Variants in ARHGAP39 observed in about 807,000 individuals in gnomAD.
ARHGAP39 encodes the protein Rho GTPase activating protein 39.
In ARHGAP39, 44 loss-of-function variants were observed where a neutral mutation model predicts 106.9. The ratio of observed to expected loss-of-function variants is 0.41; its 90% confidence interval spans 0.32 to 0.53. ARHGAP39 has a LOEUF of 0.53. Ranked by LOEUF, ARHGAP39 falls within the 20% of genes least tolerant of loss-of-function variation. ARHGAP39 has a pLI of 0.21. For synonymous variants in ARHGAP39, 768 were observed against 693.2 expected, an observed-to-expected ratio of 1.11 and a Z score of -1.69; for missense variants, 1,496 against 1,577.3, an observed-to-expected ratio of 0.95 and a Z score of 0.87.
intron 2 of ARHGAP39, among the ~76,000 whole-genome samples, chr8:144,584,527 C>T (rs974638777): frequency 6.6e-6 from 1 of 152,122 alleles, no homozygotes; most frequent in African/African-American, 2.4e-5. Flanking sequence ...CTTTGGGAGT[C>T]CCAGGCAGGT....
At chr8:144,567,410 C>T (rs969076565) in intron 3 of ARHGAP39, among the ~76,000 whole-genome samples, 2 of 152,262 alleles carry the variant, frequency 1.3e-5, no homozygotes, top group Admixed American at 1.3e-4. Context: ...GGAAGACACC[C>T]GTTGCCAAGC....
At chr8:144,563,009 TA>T (rs2130872186) in intron 3 of ARHGAP39, among the ~76,000 whole-genome samples, 1 of 152,380 alleles carries the variant, frequency 6.6e-6, no homozygotes, top group African/African-American at 2.4e-5. Context: ...TCACTTGCTC[TA>T]TGTGGAACAA....
intron 1 of ARHGAP39, among the ~76,000 whole-genome samples, chr8:144,636,501 G>A (rs115555212): frequency 0.011 from 1,643 of 152,340 alleles, 30 homozygotes; most frequent in African/African-American, 0.038. Context: ...GCTCCCGACA[G>A]CCCCAATCCT....
At chr8:144,608,281 A>G (rs2130950756) in intron 1 of ARHGAP39, among the ~76,000 whole-genome samples, 1 of 152,264 alleles carries the variant, frequency 6.6e-6, no homozygotes, top group Admixed American at 6.5e-5. Context: ...GAAAAGTAAA[A>G]CAGCAGTATC....
Position 144,646,509 on chromosome 8 carries a change from A to C in ARHGAP39, c.-82+39177T>G, listed in dbSNP as rs1821448178. On this transcript the variant is annotated intron_variant, in intron 1 of 11. Transcript: ENST00000377307. The surrounding 1 kb of genome is among the most constrained non-coding windows in gnomAD (Gnocchi z 5.7). The stretch of plus-strand genomic sequence containing the variant: ...GAAAGAAATGAGGAATAGCAGGGAC[A>C]CCAAAAGACAGGAGGCGAATCGGCT... Among the ~76,000 whole-genome samples the C allele has an allele frequency of 6.6e-6, 1 of 152,154 alleles. No homozygotes were observed. Among genetic ancestry groups the C allele is most frequent in the Non-Finnish European group, 1.5e-5 (1 of 68,014 alleles).
intron 1 of ARHGAP39, among the ~76,000 whole-genome samples, chr8:144,613,690 G>T (rs999947471): frequency 2.6e-4 from 40 of 151,694 alleles, no homozygotes; most frequent in African/African-American, 9.5e-4. Context: ...GATGTGCCTT[G>T]TGTGATTTTC....
intron 1 of ARHGAP39, among the ~76,000 whole-genome samples, chr8:144,612,141 G>A (rs76325756): frequency 1.3e-5 from 2 of 151,544 alleles, no homozygotes; most frequent in African/African-American, 2.4e-5. Context: ...CGGCTGCGCC[G>A]CTGCACTCCA....
rs1447019204 is a variant in ARHGAP39, at chr8:144,619,639, C to T, written c.-81-13944G>A. 6.2e-5 allele frequency among the ~76,000 whole-genome samples: 9 copies of T among 145,344 alleles called. 1 individual carries two copies. Among genetic ancestry groups the T allele is most frequent in the South Asian group, 2.2e-4 (1 of 4,534 alleles). On this transcript the variant is annotated intron_variant, in intron 1 of 11. Coordinates refer to ENST00000377307, the MANE Select transcript of ARHGAP39 (RefSeq NM_025251.3). The stretch of plus-strand genomic sequence containing the variant: ...GTGTGTGAGCCTGTGTGTCCAAGAG[C>T]GTGTGTCCGTGCATGAGCCTGTGTA...
chr8:144,536,843 G>A (rs1168627984), intron 7 of ARHGAP39, among the ~76,000 whole-genome samples: 6 of 152,228 alleles, frequency 3.9e-5, no homozygotes, highest in South Asian at 2.1e-4. Context: ...CAGAAAGCTC[G>A]CTGGCACTGT....
chr8:144,600,691 CGTG>C (rs1303934163), intron 2 of ARHGAP39, among the ~76,000 whole-genome samples: 1 of 137,794 alleles, frequency 7.3e-6, no homozygotes, highest in Non-Finnish European at 1.5e-5. Flanking sequence ...TGTGCGTGTG[CGTG>C]GAGACGTGCG....
At chr8:144,532,192 G>A (rs1475464816) in intron 10 of ARHGAP39, 113 bp downstream of exon 10, 2 of 846,580 alleles carry the variant, frequency 2.4e-6, no homozygotes, top group Non-Finnish European at 3.8e-6. Context: ...TGACTGGGAA[G>A]CCATCACATC....
chr8:144,563,765 T>C (rs949211960), intron 3 of ARHGAP39, among the ~76,000 whole-genome samples: 1 of 151,942 alleles, frequency 6.6e-6, no homozygotes, highest in Non-Finnish European at 1.5e-5. Flanking sequence ...CATTCTAGCA[T>C]GGGTAACAGC....
At chr8:144,667,854 A>G (rs755794499) in intron 1 of ARHGAP39, among the ~76,000 whole-genome samples, 5 of 152,232 alleles carry the variant, frequency 3.3e-5, no homozygotes, top group Non-Finnish European at 7.3e-5. Flanking sequence ...CATAAGCATC[A>G]GATTACAGTA....
At chr8:144,691,880 G>C in the ARHGAP39 span, among the ~76,000 whole-genome samples, 1 of 152,034 alleles carries the variant, frequency 6.6e-6, no homozygotes, top group Admixed American at 6.6e-5. Context: ...GAGGGGACAA[G>C]AAGCCGGCAT....
In ARHGAP39 at chr8:144,670,735, G is replaced by T. The variant is rs59717327; in HGVS notation, c.-82+14951C>A. On this transcript the variant is annotated intron_variant, in intron 1 of 11. Transcript: ENST00000377307. This position sits in a 1 kb window ranked among gnomAD's most constrained non-coding sequence, Gnocchi z 4.4. ...CTTGCCCTGAGCTCCTCATCTAAAT[G>T]AAGCATGCTAGATTTGCTGTCACAG... 0.019 allele frequency among the ~76,000 whole-genome samples: 2,890 copies of T among 152,150 alleles called. 97 individuals carry two copies. The highest frequency in any genetic ancestry group is 0.067 in the African/African-American group (2,761 of 41,466).
chr8:144,544,383 G>A (rs142693369), intron 6 of ARHGAP39, among the ~76,000 whole-genome samples: 323 of 152,364 alleles, frequency 2.1e-3, no homozygotes, highest in African/African-American at 7.3e-3. Flanking sequence ...CTGACCAGGG[G>A]CTCAATCTCT....
rs531972409 is a variant in ARHGAP39, at chr8:144,585,509, A to C, written c.81-4232T>G. Among the ~76,000 whole-genome samples, 16 of 151,996 alleles carry C rather than the reference A, an allele frequency of 1.1e-4. No homozygotes were observed. In the South Asian group the frequency reaches 3.3e-3, roughly 32 times the overall value. The stretch of plus-strand genomic sequence containing the variant: ...TCCCCTCGTGCACTCTCTTGCCCTT[A>C]GCTCCAGGGCAACTCTCCCTGGAGA... On this transcript the variant is annotated intron_variant, in intron 2 of 11. Coordinates refer to ENST00000377307, the MANE Select transcript of ARHGAP39 (RefSeq NM_025251.3). The surrounding 1 kb of genome is among the most constrained non-coding windows in gnomAD (Gnocchi z 4.6).
chr8:144,550,558 G>A (rs773461892), intron 4 of ARHGAP39, among the ~76,000 whole-genome samples: 22 of 152,270 alleles, frequency 1.4e-4, no homozygotes, highest in Admixed American at 3.9e-4. Context: ...GGTTGGTGAG[G>A]CAAGGCCAGG....
Position 144,530,995 on chromosome 8 carries a change from T to C in ARHGAP39, c.2981-124A>G, listed in dbSNP as rs1021406598. 22 of 1,272,588 alleles carry C rather than the reference T, an allele frequency of 1.7e-5. No individual in the cohort carries two copies. The African/African-American group carries it at 3.3e-4, about 19-fold the overall frequency. 78.8% of individuals were successfully genotyped at this position (1,272,588 alleles called of 1,614,324 possible). A position where few individuals can be genotyped will look rare whatever the true frequency, so the allele number is the denominator to read the frequency against. On this transcript the variant is annotated intron_variant, in intron 10 of 11. Transcript: ENST00000377307. ...ACAGGCTGGGAGGGCCGGCTCATTC[T>C]GGACAGGGCCCATCTGGCCAGGCTG... is the stretch of plus-strand genomic sequence containing the variant.
Sources: gnomAD v4.1 joint callset for allele counts (sites outside exome capture counted in the v4.1 genomes callset) on GRCh38, gnomAD v4.1.1 for gene constraint, Gnocchi (gnomAD v3.1) non-coding constraint, MANE v1.5 for transcripts, NCBI Gene and HGNC (gene_info 2026-07-23, HGNC 2026-07-21) for gene names.